PTPN4: variants seen among roughly 807,000 people sequenced by gnomAD.
PTPN4 encodes the protein tyrosine-protein phosphatase non-receptor type 4.
Under a neutral mutation model 135.5 loss-of-function variants are expected in PTPN4, and 49 were observed. The ratio of observed to expected loss-of-function variants is 0.36; its 90% CI spans 0.29 to 0.46. PTPN4 has a LOEUF of 0.46. Ranked by LOEUF, PTPN4 falls within the 20% of genes least tolerant of loss-of-function variation. PTPN4 has a pLI of 1.00. For missense variants in PTPN4, 860 were observed against 1,101.0 expected (o/e 0.78, Z 3.10); for synonymous variants, 333 against 369.9 (o/e 0.90, Z 1.14).
chr2:119,881,029 GTT>G (rs1228911792), intron 5 of PTPN4, among the ~76,000 whole-genome samples: 1 of 152,062 alleles, frequency 6.6e-6, no homozygotes, highest in Non-Finnish European at 1.5e-5. Flanking sequence ...AAACCAAAAA[GTT>G]TGGTCTTCTG....
At chr2:119,886,123 C>A (rs558314253) in intron 9 of PTPN4, among the ~76,000 whole-genome samples, 1 of 151,804 alleles carries the variant, frequency 6.6e-6, no homozygotes, top group African/African-American at 2.4e-5. Flanking sequence ...TTTTACAGAC[C>A]GTAAGATATA....
intron 10 of PTPN4, among the ~76,000 whole-genome samples, chr2:119,908,994 T>C (rs2105020777): frequency 6.6e-6 from 1 of 152,244 alleles, no homozygotes; most frequent in Admixed American, 6.5e-5. Context: ...ATGTGAAGAC[T>C]GAGAAGAGAG....
chr2:119,845,650 G>A (rs1677486590), intron 2 of PTPN4, among the ~76,000 whole-genome samples: 2 of 151,640 alleles, frequency 1.3e-5, no homozygotes, highest in African/African-American at 4.8e-5. Flanking sequence ...TAGTTTTTCT[G>A]ATCTTCTCAA....
intron 2 of PTPN4, among the ~76,000 whole-genome samples, chr2:119,816,278 A>G (rs1676984928): frequency 6.6e-6 from 1 of 152,206 alleles, no homozygotes; most frequent in Admixed American, 6.5e-5. Flanking sequence ...TTAGTTAGGC[A>G]CAGCGGTAGG....
chr2:119,864,935 G>T (rs1397100360), intron 3 of PTPN4, among the ~76,000 whole-genome samples: 1 of 152,016 alleles, frequency 6.6e-6, no homozygotes, highest in African/African-American at 2.4e-5. Flanking sequence ...GAATTTTAAA[G>T]GTCCAAAAGA....
chr2:119,968,094 A>C (rs1679471361), intron 26 of PTPN4, 122 bp downstream of exon 26: 1 of 851,228 alleles, frequency 1.2e-6, no homozygotes, highest in East Asian at 2.9e-5. Flanking sequence ...ATGGTCAAAT[A>C]ACCTCTAGCA....
At chr2:119,883,346 T>G (rs1044063691) in intron 8 of PTPN4, among the ~76,000 whole-genome samples, 2 of 152,194 alleles carry the variant, frequency 1.3e-5, no homozygotes, top group African/African-American at 4.8e-5. Context: ...TTTCAAAACT[T>G]GAAAAAATCT....
At chr2:119,966,490 T>C (rs1679447641) in intron 25 of PTPN4, among the ~76,000 whole-genome samples, 1 of 152,182 alleles carries the variant, frequency 6.6e-6, no homozygotes, top group South Asian at 2.1e-4. Flanking sequence ...ACTCCTGGGC[T>C]CAAGGGATCC....
chr2:119,968,076 T>C, intron 26 of PTPN4, 104 bp downstream of exon 26: 1 of 1,011,282 alleles, frequency 9.9e-7, no homozygotes, highest in Non-Finnish European at 1.4e-6. Context: ...TCTTTTCAAT[T>C]CCTTGCCATG....
chr2:119,790,987 C>T (rs2104935243), intron 1 of PTPN4, among the ~76,000 whole-genome samples: 2 of 152,250 alleles, frequency 1.3e-5, no homozygotes, highest in South Asian at 4.1e-4. Flanking sequence ...TACTGTCACA[C>T]AAATTGCATC....
intron 2 of PTPN4, among the ~76,000 whole-genome samples, chr2:119,825,943 A>C (rs898173020): frequency 6.6e-6 from 1 of 152,204 alleles, no homozygotes; most frequent in Non-Finnish European, 1.5e-5. Flanking sequence ...GAAAGACTAA[A>C]TAGTCTGTGA....
At chr2:119,782,344 G>C (rs978415683) in intron 1 of PTPN4, among the ~76,000 whole-genome samples, 5 of 152,058 alleles carry the variant, frequency 3.3e-5, no homozygotes, top group Admixed American at 3.3e-4. Flanking sequence ...GCTTGAACCT[G>C]GGAGGCAGAG....
chr2:119,845,025 C>T (rs1220787088), intron 2 of PTPN4, among the ~76,000 whole-genome samples: 4 of 149,524 alleles, frequency 2.7e-5, no homozygotes, highest in African/African-American at 4.9e-5. Flanking sequence ...CCGAGGTTGG[C>T]GGATCACTCG....
rs1054724211 is a variant in PTPN4, at chr2:119,890,585, GTTTC to G, written c.675+4711_675+4714del. 1.1e-4 allele frequency among the ~76,000 whole-genome samples: 16 copies of G among 152,082 alleles called. No homozygotes were observed. In the East Asian group the frequency reaches 1.5e-3, roughly 15 times the overall value. On this transcript the variant is annotated intron_variant, in intron 9 of 26. Coordinates refer to ENST00000263708, the MANE Select transcript of PTPN4 (RefSeq NM_002830.4). ...TTTCTGGTTATTATATGTATTCTGTGTTTCTTTCTTTTTCTCTTATAGGTTGTTG... is the reference window on the plus strand; with the variant it reads ...TTTCTGGTTATTATATGTATTCTGTGTTTCTTTTTCTCTTATAGGTTGTTG...
intron 10 of PTPN4, 122 bp downstream of exon 10, chr2:119,900,928 A>T (rs1678393098): frequency 1.9e-6 from 1 of 533,840 alleles, no homozygotes; most frequent in Admixed American, 4.0e-5. Flanking sequence ...GATAAACTTT[A>T]TACTTTATCC....
intron 3 of PTPN4, among the ~76,000 whole-genome samples, chr2:119,868,805 C>T (rs964840380): frequency 6.6e-6 from 1 of 152,108 alleles, no homozygotes; most frequent in Non-Finnish European, 1.5e-5. Flanking sequence ...GACTGGCTTG[C>T]TGTTAATAAA....
intron 1 of PTPN4, among the ~76,000 whole-genome samples, chr2:119,785,056 GATCATT>G (rs995908386): frequency 6.6e-6 from 1 of 152,092 alleles, no homozygotes; most frequent in Non-Finnish European, 1.5e-5. Context: ...TTTTGGACCA[GATCATT>G]ATTTGTATGA....
intron 5 of PTPN4, among the ~76,000 whole-genome samples, chr2:119,879,108 A>G (rs1456381082): frequency 6.7e-6 from 1 of 149,772 alleles, no homozygotes; most frequent in East Asian, 1.9e-4. Flanking sequence ...AAAAAAAAAC[A>G]AAAATGAAAA....
intron 13 of PTPN4, among the ~76,000 whole-genome samples, chr2:119,929,010 GTTGT>G (rs1054299506): frequency 2.8e-4 from 42 of 152,082 alleles, no homozygotes; most frequent in African/African-American, 9.7e-4. Flanking sequence ...AAAATGTATA[GTTGT>G]TTAATAGGTT....
Sources: allele counts gnomAD v4.1 joint callset (sites outside exome capture counted in the v4.1 genomes callset), GRCh38; gene constraint gnomAD v4.1.1; transcripts MANE v1.5; gene names NCBI Gene and HGNC (gene_info 2026-07-23, HGNC 2026-07-21).